The following ZC3H12B variants were observed in gnomAD, a reference collection of about 807,000 sequenced individuals.
The protein encoded by ZC3H12B is probable ribonuclease ZC3H12B.
ZC3H12B carries 7 observed loss-of-function variants against 43.9 expected under a neutral mutation model. The ratio of observed to expected loss-of-function variants is 0.16; its 90% CI spans 0.09 to 0.30. The LOEUF is 0.30. Ranked by LOEUF, ZC3H12B falls within the 10% of genes least tolerant of loss-of-function variation. The pLI is 1.00. For missense variants in ZC3H12B, 475 were observed against 670.2 expected (o/e 0.71, Z 3.22); for synonymous variants, 222 against 241.7 (o/e 0.92, Z 0.76).
the ZC3H12B span, among the ~76,000 whole-genome samples, chrX:65,336,529 CTT>C: frequency 8.9e-6 from 1 of 112,629 alleles, no homozygotes; most frequent in African/African-American, 3.2e-5. Flanking sequence ...ACTGGCAAGA[CTT>C]AAATTTGCCC....
chrX:65,243,597 C>T, the ZC3H12B span, among the ~76,000 whole-genome samples: 1 of 111,732 alleles, frequency 8.9e-6, no homozygotes, highest in South Asian at 3.7e-4. Context: ...ATTATCATAT[C>T]ATTCAGCAAT....
chrX:65,454,644 A>C (rs1402531672), intron 3 of ZC3H12B, among the ~76,000 whole-genome samples: 1 of 111,799 alleles, frequency 8.9e-6, no homozygotes, highest in Non-Finnish European at 1.9e-5. Context: ...GTTCTCCAGC[A>C]CGCAGCTGGA....
chrX:65,363,709 A>G (rs971000744), upstream of ZC3H12B, among the ~76,000 whole-genome samples: 1 of 111,769 alleles, frequency 8.9e-6, no homozygotes, highest in Non-Finnish European at 1.9e-5. Flanking sequence ...CTTTTTGTCC[A>G]AACAACTTGA....
chrX:65,423,364 G>A (rs1358811562), intron 3 of ZC3H12B, among the ~76,000 whole-genome samples: 1 of 112,102 alleles, frequency 8.9e-6, no homozygotes, highest in Admixed American at 9.4e-5. Flanking sequence ...ATAATCCTTT[G>A]GGTATATACC....
At chrX:65,288,887 T>A in the ZC3H12B span, among the ~76,000 whole-genome samples, 1 of 112,006 alleles carries the variant, frequency 8.9e-6, no homozygotes, top group East Asian at 2.8e-4. Flanking sequence ...ATAAATAAAT[T>A]TAGTAATGTT....
the ZC3H12B span, among the ~76,000 whole-genome samples, chrX:65,194,205 T>G: frequency 1.1e-5 from 1 of 93,681 alleles, no homozygotes; most frequent in African/African-American, 3.9e-5. Flanking sequence ...GTGTCACATT[T>G]CCCTTATAAT....
At position 65,420,981 on chromosome X, in the gene ZC3H12B, G is replaced by T. The variant is rs544712147; in HGVS notation, n.407+22277G>T. ...AAGCAGTTTGCTTTCAGCTGAGAAA[G>T]CCAGCAATACACCTTGACTGTCCTA... On this transcript the variant is annotated intron_variant and non_coding_transcript_variant, in intron 3 of 5. Transcript: ENST00000617377. Among the ~76,000 whole-genome samples, 31 of 112,265 alleles carry T rather than the reference G, an allele frequency of 2.8e-4. No homozygotes were observed. In the South Asian group the frequency reaches 8.8e-3, roughly 32 times the overall value.
chrX:65,334,422 C>T, the ZC3H12B span, among the ~76,000 whole-genome samples: 38 of 112,021 alleles, frequency 3.4e-4, no homozygotes, highest in Non-Finnish European at 6.6e-4. Flanking sequence ...ATTCCCATAC[C>T]TTCTTATAAT....
the ZC3H12B span, among the ~76,000 whole-genome samples, chrX:65,239,969 T>A: frequency 8.9e-6 from 1 of 111,934 alleles, no homozygotes; most frequent in Non-Finnish European, 1.9e-5. Flanking sequence ...GGTTTCCCTT[T>A]GCAGGTGACC....
At chrX:65,283,814 G>A in the ZC3H12B span, among the ~76,000 whole-genome samples, 5 of 112,008 alleles carry the variant, frequency 4.5e-5, no homozygotes, top group Admixed American at 4.7e-4. Flanking sequence ...AATTTGGGCT[G>A]TTGCTACTAG....
chrX:65,126,287 T>G, the ZC3H12B span, among the ~76,000 whole-genome samples: 6 of 111,138 alleles, frequency 5.4e-5, no homozygotes, highest in African/African-American at 2.0e-4. Context: ...TGATAATTGT[T>G]TTGTTCCAGG....
intron 3 of ZC3H12B, among the ~76,000 whole-genome samples, chrX:65,425,391 A>C (rs760522115): frequency 9.0e-6 from 1 of 111,538 alleles, no homozygotes; most frequent in East Asian, 2.8e-4. Flanking sequence ...TTTTCTAGAT[A>C]TAGGGTTATG....
chrX:65,202,803 C>T, the ZC3H12B span, among the ~76,000 whole-genome samples: 3 of 110,956 alleles, frequency 2.7e-5, no homozygotes, highest in Non-Finnish European at 5.7e-5. Context: ...GTTGGTGAAG[C>T]CAGCTAGCCT....
chrX:65,078,855 T>G, the ZC3H12B span, among the ~76,000 whole-genome samples: 1 of 112,215 alleles, frequency 8.9e-6, no homozygotes, highest in Non-Finnish European at 1.9e-5. Flanking sequence ...CTCAAGCATT[T>G]ATCCTTTCTG....
At chrX:65,299,207 A>G in the ZC3H12B span, among the ~76,000 whole-genome samples, 1 of 112,205 alleles carries the variant, frequency 8.9e-6, no homozygotes, top group Non-Finnish European at 1.9e-5. Flanking sequence ...TTTCCCAAAT[A>G]TTTAAGGAAG....
At chrX:65,120,926 G>T in the ZC3H12B span, among the ~76,000 whole-genome samples, 2 of 111,158 alleles carry the variant, frequency 1.8e-5, no homozygotes, top group South Asian at 7.6e-4. Flanking sequence ...TTTTGTCATT[G>T]GTTCTATTTA....
intron 2 of ZC3H12B, among the ~76,000 whole-genome samples, chrX:65,380,072 G>A (rs947801960): frequency 3.6e-5 from 4 of 111,771 alleles, no homozygotes; most frequent in Non-Finnish European, 7.5e-5. Context: ...ATCTAGCAAG[G>A]CAGGCCAACA....
intron 3 of ZC3H12B, among the ~76,000 whole-genome samples, chrX:65,471,111 A>G (rs1239416111): frequency 9.0e-6 from 1 of 111,386 alleles, no homozygotes; most frequent in African/African-American, 3.3e-5. Context: ...TGAGCTGTCT[A>G]GTGCTGTCAG....
the ZC3H12B span, among the ~76,000 whole-genome samples, chrX:65,084,320 A>G: frequency 5.4e-5 from 6 of 111,942 alleles, no homozygotes; most frequent in South Asian, 3.7e-4. Flanking sequence ...TGAAGAGACA[A>G]TCCACAGGAT....
Sources: gnomAD v4.1 joint callset for allele counts (sites outside exome capture counted in the v4.1 genomes callset) on GRCh38, gnomAD v4.1.1 for gene constraint, MANE v1.5 for transcripts, NCBI Gene and HGNC (gene_info 2026-07-23, HGNC 2026-07-21) for gene names.